Variants in THADA observed in about 807,000 individuals in gnomAD.
THADA encodes tRNA (32-2'-O)-methyltransferase regulator THADA.
THADA carries 213 observed loss-of-function variants against 219.8 expected under a neutral mutation model. The observed-to-expected ratio is 0.97, with a 90% CI of 0.87 to 1.09. The LOEUF is 1.09. Among genes scored for constraint, THADA ranks in the 50% least tolerant of loss-of-function variants. THADA has a pLI of 0.00. For missense variants in THADA, 2,956 were observed against 2,311.3 expected, an observed-to-expected ratio of 1.28 and a Z score of -5.72; for synonymous variants, 1,018 against 828.9, an observed-to-expected ratio of 1.23 and a Z score of -3.92.
chr2:43,425,521 T>C (rs1186803982), intron 28 of THADA, among the ~76,000 whole-genome samples: 1 of 151,610 alleles, frequency 6.6e-6, no homozygotes, highest in African/African-American at 2.4e-5. Flanking sequence ...AAGTTTAATT[T>C]TGCTACTCAA....
At chr2:43,530,107 T>C (rs1693674710) in intron 21 of THADA, among the ~76,000 whole-genome samples, 1 of 152,132 alleles carries the variant, frequency 6.6e-6, no homozygotes, top group African/African-American at 2.4e-5. Flanking sequence ...AAGAATCAGA[T>C]AGGAGACTAA....
chr2:43,452,835 T>C (rs866463825), intron 26 of THADA, among the ~76,000 whole-genome samples: 3 of 152,190 alleles, frequency 2.0e-5, no homozygotes, highest in African/African-American at 4.8e-5. Context: ...GATAATTCCA[T>C]TGGGTCCAAT....
At chr2:43,326,082 T>C (rs929463184) in intron 30 of THADA, among the ~76,000 whole-genome samples, 2 of 152,074 alleles carry the variant, frequency 1.3e-5, no homozygotes, top group Non-Finnish European at 2.9e-5. Context: ...TGTGCATGAT[T>C]TCATGTGTGT....
intron 8 of THADA, among the ~76,000 whole-genome samples, chr2:43,579,273 C>A (rs1260857841): frequency 6.6e-6 from 1 of 152,208 alleles, no homozygotes; most frequent in Non-Finnish European, 1.5e-5. Context: ...TCCCCTCCAC[C>A]AATGCCTCTG....
chr2:43,435,130 C>T (rs532753275), intron 26 of THADA, among the ~76,000 whole-genome samples: 2 of 152,250 alleles, frequency 1.3e-5, no homozygotes, highest in East Asian at 3.9e-4. Context: ...AAATTAAATT[C>T]CATTGACTTC....
intron 25 of THADA, among the ~76,000 whole-genome samples, chr2:43,495,532 AC>A (rs1486665574): frequency 1.3e-5 from 2 of 152,072 alleles, no homozygotes; most frequent in African/African-American, 4.8e-5. Context: ...TTAACAGGTG[AC>A]TTTTACTGTT....
At chr2:43,400,185 A>G (rs1034510987) in intron 28 of THADA, among the ~76,000 whole-genome samples, 5 of 152,156 alleles carry the variant, frequency 3.3e-5, no homozygotes, top group Non-Finnish European at 7.4e-5. Context: ...ATGATTTCCC[A>G]AAGGATTCTG....
At chr2:43,544,348 G>T (rs1339054512) in intron 20 of THADA, among the ~76,000 whole-genome samples, 2 of 152,184 alleles carry the variant, frequency 1.3e-5, no homozygotes, top group African/African-American at 4.8e-5. Flanking sequence ...GGATTGACTT[G>T]GCAATGCGGG....
chr2:43,583,852 G>A (rs770169444), intron 7 of THADA, among the ~76,000 whole-genome samples: 1 of 152,002 alleles, frequency 6.6e-6, no homozygotes, highest in Non-Finnish European at 1.5e-5. Flanking sequence ...AAACCAGCCA[G>A]GGCAACACGG....
chr2:43,296,847 CCGGGAGG>C (rs1489040867), intron 31 of THADA, among the ~76,000 whole-genome samples: 1 of 149,900 alleles, frequency 6.7e-6, no homozygotes. Context: ...TAACGGCCGC[CCGGGAGG>C]CAGCGGCTGG....
intron 21 of THADA, among the ~76,000 whole-genome samples, chr2:43,539,370 T>C (rs1348808174): frequency 6.6e-6 from 1 of 152,234 alleles, no homozygotes. Context: ...TTTAAGCACA[T>C]GTAAGTATAT....
chr2:43,256,331 G>A (rs796492289), intron 36 of THADA, among the ~76,000 whole-genome samples: 7 of 152,184 alleles, frequency 4.6e-5, no homozygotes, highest in African/African-American at 1.4e-4. Flanking sequence ...GCAGCACAGC[G>A]AGACCTTGTC....
intron 21 of THADA, among the ~76,000 whole-genome samples, chr2:43,534,261 A>C (rs961633871): frequency 6.6e-6 from 1 of 152,216 alleles, no homozygotes; most frequent in African/African-American, 2.4e-5. Context: ...TATAATAAAT[A>C]GTGATCAGAT....
intron 31 of THADA, among the ~76,000 whole-genome samples, chr2:43,300,348 T>G (rs567255879): frequency 7.9e-4 from 121 of 152,204 alleles, no homozygotes; most frequent in African/African-American, 2.8e-3. Context: ...TCTGAGCACC[T>G]AGACAAGATT....
At chr2:43,595,196 C>T (rs898724905) in intron 1 of THADA, among the ~76,000 whole-genome samples, 2 of 152,194 alleles carry the variant, frequency 1.3e-5, no homozygotes, top group African/African-American at 4.8e-5. Flanking sequence ...ACCTAAAATG[C>T]ATTCTACATC....
chr2:43,269,592 G>C (rs1671902409), intron 36 of THADA, among the ~76,000 whole-genome samples: 1 of 152,234 alleles, frequency 6.6e-6, no homozygotes, highest in African/African-American at 2.4e-5. Context: ...ACGCAACTTG[G>C]AATGCGGCAA....
chr2:43,462,278 C>G (rs1683727519), intron 26 of THADA, among the ~76,000 whole-genome samples: 1 of 152,126 alleles, frequency 6.6e-6, no homozygotes, highest in Admixed American at 6.5e-5. Flanking sequence ...CTCTAAGATT[C>G]CTGCCAGTGT....
chr2:43,540,886 G>C (rs1042139820), intron 21 of THADA, among the ~76,000 whole-genome samples: 1 of 152,092 alleles, frequency 6.6e-6, no homozygotes, highest in African/African-American at 2.4e-5. Flanking sequence ...ATGTGAAATG[G>C]AGAAATAAAA....
chr2:43,273,880 C>T (rs1032294580), intron 36 of THADA, among the ~76,000 whole-genome samples: 6 of 152,074 alleles, frequency 3.9e-5, no homozygotes, highest in African/African-American at 1.2e-4. Context: ...GTGTGGGTGA[C>T]GATGATGCAC....
Sources: gnomAD v4.1 joint callset for allele counts (sites outside exome capture counted in the v4.1 genomes callset) on GRCh38, gnomAD v4.1.1 for gene constraint, MANE v1.5 for transcripts, NCBI Gene and HGNC (gene_info 2026-07-23, HGNC 2026-07-21) for gene names.